Variants in HS3ST2 observed in about 807,000 individuals in gnomAD.
The protein encoded by HS3ST2 is heparan sulfate glucosamine 3-O-sulfotransferase 2.
HS3ST2 carries 17 observed loss-of-function variants against 26.3 expected under a neutral mutation model. The observed-to-expected ratio is 0.65, with a 90% CI of 0.44 to 0.97. The LOEUF (loss-of-function observed/expected upper bound fraction) is 0.97, where lower values mean the gene tolerates loss of function less well. Ranked by LOEUF, HS3ST2 falls within the 50% of genes least tolerant of loss-of-function variation. The pLI is 0.00. For synonymous variants in HS3ST2, 237 were observed against 219.2 expected, an observed-to-expected ratio of 1.08 and a Z score of -0.72; for missense variants, 402 against 501.2, an observed-to-expected ratio of 0.80 and a Z score of 1.89.
intron 1 of HS3ST2, among the ~76,000 whole-genome samples, chr16:22,842,747 T>C (rs1386131549): frequency 6.6e-6 from 1 of 152,190 alleles, no homozygotes; most frequent in African/African-American, 2.4e-5. Flanking sequence ...ATTCCTCCCA[T>C]CTCTTAACCT....
intron 1 of HS3ST2, among the ~76,000 whole-genome samples, chr16:22,913,766 C>T (rs1902455463): frequency 6.6e-6 from 1 of 152,066 alleles, no homozygotes; most frequent in African/African-American, 2.4e-5. Flanking sequence ...TTTGAGAAAC[C>T]AAGGCAGGAG....
At chr16:22,864,882 CAAA>C (rs34942780) in intron 1 of HS3ST2, among the ~76,000 whole-genome samples, 19 of 57,150 alleles carry the variant, frequency 3.3e-4, no homozygotes, top group African/African-American at 1.1e-3. Context: ...CCTGTCTCCA[CAAA>C]AAAAAAAAAA....
At chr16:22,897,201 A>G (rs2655111) in intron 1 of HS3ST2, among the ~76,000 whole-genome samples, 74,532 of 152,072 alleles carry the variant, frequency 0.49, 18,667 homozygotes, top group Admixed American at 0.57. Flanking sequence ...CATTACACTT[A>G]TTCTCTTTCT....
In HS3ST2 at chr16:22,862,275, C is replaced by CTT. The variant is rs397855284; in HGVS notation, c.485+47198_485+47199dup. On this transcript the variant is annotated intron_variant, in intron 1 of 1. Coordinates refer to ENST00000261374, the MANE Select transcript of HS3ST2 (RefSeq NM_006043.2). ...ATTCATGAAGCAGGCTTCTCCTCAGCTTTTTTTTTTTTTTTTTTTGGTAGG... is the reference window on the plus strand; with the variant it reads ...ATTCATGAAGCAGGCTTCTCCTCAGCTTTTTTTTTTTTTTTTTTTTTGGTAGG... Among the ~76,000 whole-genome samples the CTT allele has an allele frequency of 8.9e-3, 1,097 of 123,224 alleles. 22 individuals are homozygous for CTT. Among genetic ancestry groups the CTT allele is most frequent in the African/African-American group, 0.029 (957 of 32,736 alleles). The allele number at this position is 123,224 out of a possible 152,430, so 80.8% of individuals were successfully genotyped here. A position where few individuals can be genotyped will look rare whatever the true frequency, so the allele number is the denominator to read the frequency against.
chr16:22,859,697 C>A (rs2141188669), intron 1 of HS3ST2, among the ~76,000 whole-genome samples: 1 of 152,272 alleles, frequency 6.6e-6, no homozygotes, highest in East Asian at 1.9e-4. Flanking sequence ...ATGGAAAATT[C>A]CAGCAATCTA....
In HS3ST2 at chr16:22,893,318, T is replaced by G. The variant is rs377113490; in HGVS notation, c.486-21626T>G. 1.2e-3 allele frequency among the ~76,000 whole-genome samples: 188 copies of G among 152,354 alleles called. 5 individuals are homozygous for G. The highest frequency in any genetic ancestry group is 4.3e-3 in the African/African-American group (179 of 41,588). ...GAGATAATACATGTAAAAGCTCATA[T>G]AGCTATGCCTACCACAAGGCTCTCA... is the stretch of plus-strand genomic sequence containing the variant. On this transcript the variant is annotated intron_variant, in intron 1 of 1. Transcript: ENST00000261374.
At chr16:22,883,070 T>C (rs1902012915) in intron 1 of HS3ST2, among the ~76,000 whole-genome samples, 1 of 151,992 alleles carries the variant, frequency 6.6e-6, no homozygotes, top group Non-Finnish European at 1.5e-5. Context: ...ATAGCAACAT[T>C]CCTGCTATCT....
At chr16:22,914,736 C>CAAAAAAAAAAAAAAAAAA (rs1159639879) in intron 1 of HS3ST2, among the ~76,000 whole-genome samples, 2 of 35,942 alleles carry the variant, frequency 5.6e-5, no homozygotes, top group African/African-American at 1.9e-4. Context: ...GACCTTGTCT[C>CAAAAAAAAAAAAAAAAAA]AAAAAAAAAA....
chr16:22,846,504 A>G (rs529655107), intron 1 of HS3ST2, among the ~76,000 whole-genome samples: 2 of 152,246 alleles, frequency 1.3e-5, no homozygotes, highest in Non-Finnish European at 2.9e-5. Context: ...TATGGTGTCA[A>G]GCACACAGTG....
intron 1 of HS3ST2, among the ~76,000 whole-genome samples, chr16:22,819,141 T>TTCCTTCCTTCCTTCCC (rs1318497460): frequency 3.6e-5 from 3 of 82,720 alleles, no homozygotes; most frequent in African/African-American, 1.9e-4. Flanking sequence ...CATTCCTTCC[T>TTCCTTCCTTCCTTCCC]TCCTTCCTTC....
At chr16:22,901,417 C>A (rs557713157) in intron 1 of HS3ST2, among the ~76,000 whole-genome samples, 61 of 152,122 alleles carry the variant, frequency 4.0e-4, no homozygotes, top group African/African-American at 9.9e-4. Context: ...CTTAGCACCC[C>A]CTCCCTAGAC....
intron 1 of HS3ST2, among the ~76,000 whole-genome samples, chr16:22,816,912 C>T (rs531060007): frequency 1.4e-4 from 21 of 152,128 alleles, no homozygotes; most frequent in Non-Finnish European, 3.1e-4. Context: ...ATAGTGTGCC[C>T]TCCAATAAAT....
intron 1 of HS3ST2, among the ~76,000 whole-genome samples, chr16:22,913,404 A>C (rs2141750863): frequency 6.6e-6 from 1 of 152,236 alleles, no homozygotes; most frequent in Non-Finnish European, 1.5e-5. Context: ...ATTAAAAAGC[A>C]AGGGAAAGAG....
chr16:22,884,175 G>A (rs1025377504), intron 1 of HS3ST2, among the ~76,000 whole-genome samples: 1 of 152,194 alleles, frequency 6.6e-6, no homozygotes, highest in Non-Finnish European at 1.5e-5. Flanking sequence ...CAGGGTGCTT[G>A]TTATGTGTCA....
intron 1 of HS3ST2, among the ~76,000 whole-genome samples, chr16:22,846,202 G>C (rs1340573968): frequency 6.6e-6 from 1 of 151,970 alleles, no homozygotes; most frequent in Admixed American, 6.6e-5. Context: ...GTTTGAACCC[G>C]GGAGGCAGAG....
At chr16:22,863,883 A>G (rs1010740942) in intron 1 of HS3ST2, among the ~76,000 whole-genome samples, 4 of 152,214 alleles carry the variant, frequency 2.6e-5, no homozygotes, top group Non-Finnish European at 5.9e-5. Flanking sequence ...AGTGCTCCAC[A>G]GTTCCTTCCC....
At chr16:22,844,687 TTCTC>T (rs1183819486) in intron 1 of HS3ST2, among the ~76,000 whole-genome samples, 1 of 152,030 alleles carries the variant, frequency 6.6e-6, no homozygotes, top group Non-Finnish European at 1.5e-5. Context: ...CACCTTGCTC[TTCTC>T]TCTCTCTTCC....
At chr16:22,834,739 T>G (rs1321145931) in intron 1 of HS3ST2, among the ~76,000 whole-genome samples, 2 of 137,096 alleles carry the variant, frequency 1.5e-5, no homozygotes, top group African/African-American at 2.6e-5. Flanking sequence ...GCAATAGAGC[T>G]GAAGCATTTA....
chr16:22,876,472 A>G (rs1040156722), intron 1 of HS3ST2, among the ~76,000 whole-genome samples: 1 of 152,200 alleles, frequency 6.6e-6, no homozygotes, highest in Non-Finnish European at 1.5e-5. Flanking sequence ...TGGCATGCAT[A>G]TTTTTAAAAA....
Sources: allele counts gnomAD v4.1 joint callset (sites outside exome capture counted in the v4.1 genomes callset), GRCh38; gene constraint gnomAD v4.1.1; transcripts MANE v1.5; gene names NCBI Gene and HGNC (gene_info 2026-07-23, HGNC 2026-07-21).